Variants in SMOC2 observed in about 807,000 individuals in gnomAD.
SMOC2 encodes the protein SPARC-related modular calcium-binding protein 2.
A neutral mutation model predicts 61.4 loss-of-function variants in SMOC2; 39 were observed. The observed-to-expected ratio is 0.64, with a 90% CI of 0.49 to 0.83. SMOC2 has a LOEUF of 0.83. SMOC2 is among the 40% of genes least tolerant of loss of function. SMOC2 has a pLI of 0.00. For missense variants in SMOC2, 556 were observed against 592.9 expected (o/e 0.94, Z 0.65); for synonymous variants, 247 against 239.9 (o/e 1.03, Z -0.27).
chr6:168,652,059 AT>A (rs1299006740), intron 10 of SMOC2, among the ~76,000 whole-genome samples: 5 of 144,506 alleles, frequency 3.5e-5, no homozygotes, highest in Non-Finnish European at 7.8e-5. Flanking sequence ...AAAAAAAAAA[AT>A]TTTAATAGAG....
chr6:168,641,392 C>T (rs979824215), intron 9 of SMOC2, among the ~76,000 whole-genome samples: 1 of 152,164 alleles, frequency 6.6e-6, no homozygotes, highest in Non-Finnish European at 1.5e-5. Context: ...TCACCAATAC[C>T]TTCATTCAAA....
intron 2 of SMOC2, among the ~76,000 whole-genome samples, chr6:168,525,956 C>G (rs968537268): frequency 1.3e-5 from 2 of 152,198 alleles, no homozygotes; most frequent in African/African-American, 4.8e-5. Context: ...TTCAGGTGGT[C>G]GTCCTTGGAT....
rs1195884674 is a variant in SMOC2, at chr6:168,523,085, T to C, written c.257-3261T>C. ...TATTTGTAGTTGTACAGTAATTTTT[T>C]TTTTTTTTTTTTTTGAGACGGAGTC... On this transcript the variant is annotated intron_variant, in intron 2 of 12. Coordinates refer to ENST00000356284, the MANE Select transcript of SMOC2 (RefSeq NM_001166412.2). Among the ~76,000 whole-genome samples, 4 of 89,110 alleles carry C rather than the reference T, an allele frequency of 4.5e-5. 1 individual carries two copies. The highest frequency in any genetic ancestry group is 1.2e-4 in the Non-Finnish European group (4 of 32,676). 58.5% of individuals were successfully genotyped at this position (89,110 alleles called of 152,430 possible).
intron 1 of SMOC2, among the ~76,000 whole-genome samples, chr6:168,449,787 A>G (rs1029218204): frequency 6.6e-6 from 1 of 152,244 alleles, no homozygotes; most frequent in African/African-American, 2.4e-5. Flanking sequence ...TGAAGCATAA[A>G]ATAAACACGT....
chr6:168,655,420 C>G (rs1787296287), intron 11 of SMOC2: 1 of 456,450 alleles, frequency 2.2e-6, no homozygotes, highest in Non-Finnish European at 4.4e-6. Flanking sequence ...CTGTGATGGC[C>G]AGAGCCCAGA....
At position 168,452,716 on chromosome 6, in the gene SMOC2, C is replaced by T. The variant is rs1381101770; in HGVS notation, c.84+11262C>T. The stretch of plus-strand genomic sequence containing the variant: ...CTGTCATTTAGATTTGTACACCATT[C>T]CTAGTCCCTTCCCTCATTTCTACTA... On this transcript the variant is annotated intron_variant, in intron 1 of 12. Coordinates refer to ENST00000356284, the MANE Select transcript of SMOC2 (RefSeq NM_001166412.2). This position sits in a 1 kb window ranked among gnomAD's most constrained non-coding sequence, Gnocchi z 5.0. Among the ~76,000 whole-genome samples, 6 of 152,208 alleles carry T rather than the reference C, an allele frequency of 3.9e-5. No homozygotes were observed. Among genetic ancestry groups the T allele is most frequent in the African/African-American group, 1.4e-4 (6 of 41,454 alleles).
chr6:168,464,970 C>T (rs538316644), intron 1 of SMOC2, among the ~76,000 whole-genome samples: 4 of 152,190 alleles, frequency 2.6e-5, no homozygotes, highest in Non-Finnish European at 4.4e-5. Context: ...TGAGAAGCTC[C>T]GGAGGCTCCA....
rs551183247 is a variant in SMOC2, at chr6:168,523,079, A to ATTCTTTTTTTTTTTT, written c.257-3265_257-3264insCTTTTTTTTTTTTTT. On this transcript the variant is annotated intron_variant, in intron 2 of 12. Transcript: ENST00000356284. Reference sequence around the variant, plus strand: ...TTATGTTATTTGTAGTTGTACAGTAATTTTTTTTTTTTTTTTTTTTGAGAC... The same window carrying ATTCTTTTTTTTTTTT: ...TTATGTTATTTGTAGTTGTACAGTAATTCTTTTTTTTTTTTTTTTTTTTTTTTTTTTTTTTGAGAC... Among the ~76,000 whole-genome samples the ATTCTTTTTTTTTTTT allele has an allele frequency of 7.5e-3, 699 of 93,648 alleles. 190 individuals are homozygous for ATTCTTTTTTTTTTTT. The highest frequency in any genetic ancestry group is 0.018 in the Middle Eastern group (2 of 112). The allele number at this position is 93,648 out of a possible 152,430, so 61.4% of individuals were successfully genotyped here.
intron 1 of SMOC2, among the ~76,000 whole-genome samples, chr6:168,478,344 A>T (rs1562548253): frequency 6.6e-6 from 1 of 152,194 alleles, no homozygotes; most frequent in African/African-American, 2.4e-5. Flanking sequence ...GATAATTGTT[A>T]TTGGAGTGGT....
intron 7 of SMOC2, among the ~76,000 whole-genome samples, chr6:168,578,004 C>G (rs1784846483): frequency 6.6e-6 from 1 of 152,236 alleles, no homozygotes; most frequent in Non-Finnish European, 1.5e-5. Flanking sequence ...TCTACCATAA[C>G]TTGTTGCAAA....
At chr6:168,492,570 G>A (rs1782492522) in intron 1 of SMOC2, among the ~76,000 whole-genome samples, 1 of 152,232 alleles carries the variant, frequency 6.6e-6, no homozygotes, top group Non-Finnish European at 1.5e-5. Context: ...ATACACACAA[G>A]CATCTGTTAC....
chr6:168,446,184 G>A (rs1012111224), intron 1 of SMOC2, among the ~76,000 whole-genome samples: 1 of 152,226 alleles, frequency 6.6e-6, no homozygotes, highest in Non-Finnish European at 1.5e-5. Context: ...CCAACATGGT[G>A]AAACCCCATC....
chr6:168,547,402 G>A (rs1784029948), intron 6 of SMOC2, among the ~76,000 whole-genome samples: 1 of 151,746 alleles, frequency 6.6e-6, no homozygotes, highest in African/African-American at 2.4e-5. Flanking sequence ...CCGAAAGGTG[G>A]TCACGAAGGG....
intron 4 of SMOC2, among the ~76,000 whole-genome samples, chr6:168,543,297 C>T (rs139797978): frequency 3.0e-4 from 46 of 152,320 alleles, no homozygotes; most frequent in Non-Finnish European, 6.0e-4. Context: ...TAATTCACTT[C>T]AGTACCCCAA....
intron 1 of SMOC2, among the ~76,000 whole-genome samples, chr6:168,501,852 T>G (rs1218250701): frequency 6.6e-6 from 1 of 152,194 alleles, no homozygotes; most frequent in Non-Finnish European, 1.5e-5. Flanking sequence ...TCCAGGCGTT[T>G]GGTCCTGAGA....
Position 168,666,675 on chromosome 6 carries a change from A to G in SMOC2, c.*237A>G. 1 of 571,282 alleles carries G rather than the reference A, an allele frequency of 1.8e-6. No homozygotes were observed. Among genetic ancestry groups the G allele is most frequent in the South Asian group, 2.3e-5 (1 of 42,920 alleles). The allele number at this position is 571,282 out of a possible 1,614,324, so 35.4% of individuals were successfully genotyped here. On this transcript the variant is annotated 3_prime_UTR_variant, in exon 13 of 13. Transcript: ENST00000356284. ...TCCTCTTTTGACCTTGGAAATCTGT[A>G]TGTGGTGGAGAAGTATTTGAATGCA...
At chr6:168,578,273 A>G (rs906645309) in intron 7 of SMOC2, among the ~76,000 whole-genome samples, 1 of 152,224 alleles carries the variant, frequency 6.6e-6, no homozygotes, top group African/African-American at 2.4e-5. Context: ...CTAAGGAGGT[A>G]GCTCATGGAA....
chr6:168,500,232 A>G (rs1038123417), intron 1 of SMOC2, among the ~76,000 whole-genome samples: 1 of 148,984 alleles, frequency 6.7e-6, no homozygotes, highest in Non-Finnish European at 1.5e-5. Flanking sequence ...GGTTGCAGCG[A>G]GCCCAGATCG....
chr6:168,581,390 T>C (rs1376399386), intron 7 of SMOC2, among the ~76,000 whole-genome samples: 1 of 152,132 alleles, frequency 6.6e-6, no homozygotes, highest in East Asian at 1.9e-4. Context: ...ATCTGGAAAC[T>C]TGTTAGACAA....
Sources: gnomAD v4.1 joint callset for allele counts (sites outside exome capture counted in the v4.1 genomes callset) on GRCh38, gnomAD v4.1.1 for gene constraint, Gnocchi (gnomAD v3.1) non-coding constraint, MANE v1.5 for transcripts, NCBI Gene and HGNC (gene_info 2026-07-23, HGNC 2026-07-21) for gene names.